ANK3: variants seen among roughly 807,000 people sequenced by gnomAD.
ANK3 encodes the protein ankyrin-3.
In ANK3, 57 loss-of-function variants were observed where a neutral mutation model predicts 370.9. The ratio of observed to expected loss-of-function variants is 0.15; its 90% confidence interval spans 0.12 to 0.19. ANK3 has a LOEUF of 0.19. Among genes scored for constraint, ANK3 ranks in the 10% least tolerant of loss-of-function variants. ANK3 has a pLI of 1.00. For missense variants in ANK3, 4,439 were observed against 5,302.1 expected (o/e 0.84, Z 5.06); for synonymous variants, 1,929 against 1,946.3 (o/e 0.99, Z 0.23).
In ANK3 at chr10:60,175,630, C is replaced by T. The variant is rs371473515; in HGVS notation, c.2185-2444G>A. 7.3e-5 allele frequency among the ~76,000 whole-genome samples: 11 copies of T among 151,440 alleles called. No individual in the cohort carries two copies. In the East Asian group the frequency reaches 9.6e-4, roughly 13 times the overall value. On this transcript the variant is annotated intron_variant, in intron 18 of 43. Transcript: ENST00000280772. The stretch of plus-strand genomic sequence containing the variant: ...CAAAATGCATCCGAGTCTTTAACAG[C>T]ATTCCTTCCTTTTTTCCTCTCTTGA...
Position 60,208,023 on chromosome 10 carries a change from T to C in ANK3, c.1194+13A>G, listed in dbSNP as rs368100945. ...AGACAACTGAGGCTGGACTCGCTGG[T>C]TGAGCCACTCACCAGGGCTTTGGCA... On this transcript the variant is annotated intron_variant, in intron 10 of 43. Coordinates refer to ENST00000280772, the MANE Select transcript of ANK3 (RefSeq NM_020987.5). 270 of 1,611,818 alleles carry C rather than the reference T, an allele frequency of 1.7e-4. No homozygotes were observed. Among genetic ancestry groups the C allele is most frequent in the Non-Finnish European group, 2.1e-4 (249 of 1,178,902 alleles).
intron 1 of ANK3, among the ~76,000 whole-genome samples, chr10:60,667,162 TTTATATTATATTATATTATATCATA>T (rs2079007144): frequency 3.1e-5 from 4 of 127,732 alleles, no homozygotes; most frequent in South Asian, 2.7e-4. Context: ...GTGGTAAAAC[TTTATATTATATTATATTATATCATA>T]TTATATTATA....
intron 1 of ANK3, among the ~76,000 whole-genome samples, chr10:60,711,815 T>C (rs1185339827): frequency 6.6e-6 from 1 of 151,920 alleles, no homozygotes; most frequent in Non-Finnish European, 1.5e-5. Context: ...ACAGAAAAAC[T>C]TTGGAAGCAG....
intron 2 of ANK3, among the ~76,000 whole-genome samples, chr10:60,610,151 A>G (rs946756733): frequency 2.0e-5 from 3 of 152,166 alleles, no homozygotes; most frequent in African/African-American, 7.2e-5. Flanking sequence ...CAATTCACAA[A>G]AGAAGTCATT....
At chr10:60,508,528 T>A (rs2075997907) in intron 2 of ANK3, 1 of 152,682 alleles carries the variant, frequency 6.5e-6, no homozygotes. Context: ...CATATCAGTA[T>A]TTTTGAACTG....
intron 2 of ANK3, among the ~76,000 whole-genome samples, chr10:60,550,178 A>G (rs2077057986): frequency 6.6e-6 from 1 of 151,926 alleles, no homozygotes; most frequent in South Asian, 2.1e-4. Flanking sequence ...TAAAAATATG[A>G]CATTCATATC....
intron 25 of ANK3, among the ~76,000 whole-genome samples, chr10:60,117,414 T>A (rs1050804256): frequency 2.0e-5 from 3 of 152,166 alleles, no homozygotes; most frequent in Non-Finnish European, 4.4e-5. Context: ...GTGAACACAT[T>A]GAGAGATTTG....
chr10:60,126,458 G>C (rs2093759726), intron 25 of ANK3, among the ~76,000 whole-genome samples: 2 of 152,102 alleles, frequency 1.3e-5, no homozygotes, highest in African/African-American at 4.8e-5. Context: ...GGCAGAGGCG[G>C]GTGGATCACA....
In ANK3 at chr10:60,684,880, G is replaced by A. The variant is rs1466110723; in HGVS notation, c.57+48383C>T. 32 of 1,483,788 alleles carry A rather than the reference G, an allele frequency of 2.2e-5. 1 individual carries two copies. The South Asian group carries it at 3.4e-4, about 16-fold the overall frequency. 91.9% of individuals were successfully genotyped at this position (1,483,788 alleles called of 1,614,324 possible). A position where few individuals can be genotyped will look rare whatever the true frequency, so the allele number is the denominator to read the frequency against. ...AATAACTAGGTTATCAGAAAATCAA[G>A]GAGTCCCTGTACTTACAGTTGCTAA... On this transcript the variant is annotated intron_variant, in intron 1 of 43. Coordinates refer to the ANK3 transcript ENST00000373827.
intron 2 of ANK3, among the ~76,000 whole-genome samples, chr10:60,603,020 A>T (rs1429727398): frequency 6.6e-6 from 1 of 152,140 alleles, no homozygotes; most frequent in Non-Finnish European, 1.5e-5. Context: ...TTAGTACATG[A>T]TGCAGAATGT....
chr10:60,043,462 GA>G (rs2076455620), intron 42 of ANK3: 1 of 985,116 alleles, frequency 1.0e-6, no homozygotes. Context: ...AGAAACAAGT[GA>G]AAAATAACCA....
intron 1 of ANK3, among the ~76,000 whole-genome samples, chr10:60,699,564 A>C (rs568678897): frequency 6.6e-6 from 1 of 152,090 alleles, no homozygotes; most frequent in Non-Finnish European, 1.5e-5. Flanking sequence ...GTTCATAGAA[A>C]ATTTTTAAAC....
intron 7 of ANK3, among the ~76,000 whole-genome samples, chr10:60,241,374 G>A (rs2097455352): frequency 6.6e-6 from 1 of 152,136 alleles, no homozygotes; most frequent in Non-Finnish European, 1.5e-5. Context: ...TACAATGTTT[G>A]TTCTTGTACC....
chr10:60,119,658 T>C (rs759723349), intron 25 of ANK3, among the ~76,000 whole-genome samples: 2 of 151,920 alleles, frequency 1.3e-5, no homozygotes, highest in Non-Finnish European at 2.9e-5. Context: ...TGTAATCCCA[T>C]CTAATCGGGA....
chr10:60,406,553 T>C (rs2063460250), intron 2 of ANK3, among the ~76,000 whole-genome samples: 1 of 152,204 alleles, frequency 6.6e-6, no homozygotes, highest in Non-Finnish European at 1.5e-5. Flanking sequence ...ACTGCTGATC[T>C]GACAGGAGGT....
At chr10:60,637,484 G>A (rs1238607015) in intron 1 of ANK3, among the ~76,000 whole-genome samples, 1 of 152,168 alleles carries the variant, frequency 6.6e-6, no homozygotes, top group African/African-American at 2.4e-5. Context: ...CAATATATTT[G>A]TAGTATCTTA....
intron 2 of ANK3, among the ~76,000 whole-genome samples, chr10:60,514,674 T>A (rs564582240): frequency 5.9e-5 from 9 of 152,254 alleles, no homozygotes; most frequent in African/African-American, 2.2e-4. Flanking sequence ...TATCCCTCAC[T>A]GCATGTCAAC....
intron 2 of ANK3, among the ~76,000 whole-genome samples, chr10:60,463,711 AG>A (rs1427274384): frequency 2.2e-5 from 3 of 133,902 alleles, no homozygotes; most frequent in Non-Finnish European, 4.8e-5. Flanking sequence ...ATAATTTTCC[AG>A]GAGATTTTTT....
In ANK3 at chr10:60,265,989, A is replaced by G. The variant is rs188626621; in HGVS notation, c.514-1969T>C. ...CCTCTTCTTTTCTCTATGTATACAA[A>G]TCCCCTCTACCCTCCATGCTTCAAG... On this transcript the variant is annotated intron_variant, in intron 5 of 43. Coordinates refer to ENST00000280772, the MANE Select transcript of ANK3 (RefSeq NM_020987.5). Among the ~76,000 whole-genome samples, 161 of 152,242 alleles carry G rather than the reference A, an allele frequency of 1.1e-3. 1 individual carries two copies. Among genetic ancestry groups the G allele is most frequent in the African/African-American group, 3.8e-3 (159 of 41,534 alleles).
Sources: allele counts gnomAD v4.1 joint callset (sites outside exome capture counted in the v4.1 genomes callset), GRCh38; gene constraint gnomAD v4.1.1; transcripts MANE v1.5; gene names NCBI Gene and HGNC (gene_info 2026-07-23, HGNC 2026-07-21).